PRR5: variants seen among roughly 807,000 people sequenced by gnomAD.
PRR5 encodes proline-rich protein 5.
Under a neutral mutation model 30.6 loss-of-function variants are expected in PRR5, and 25 were observed. The ratio of observed to expected loss-of-function variants is 0.82; its 90% confidence interval spans 0.60 to 1.14. PRR5 has a LOEUF of 1.14. Ranked by LOEUF, PRR5 falls within the 50% of genes most tolerant of loss-of-function variation. The probability of loss-of-function intolerance (pLI) is 0.00; values close to 1 mark genes in which losing one functional copy is unlikely to be tolerated. For missense variants in PRR5, 600 were observed against 547.1 expected, an observed-to-expected ratio of 1.10 and a Z score of -0.96; for synonymous variants, 286 against 247.1, an observed-to-expected ratio of 1.16 and a Z score of -1.48.
At chr22:44,727,471 G>T (rs1921054027) in intron 4 of PRR5, among the ~76,000 whole-genome samples, 1 of 152,196 alleles carries the variant, frequency 6.6e-6, no homozygotes, top group Admixed American at 6.5e-5. Context: ...CTCCGTGCTG[G>T]ACTGCCCCGA....
chr22:44,726,483 G>A (rs1920951412), intron 3 of PRR5, 94 bp from the exon 4 acceptor site: 6 of 1,578,602 alleles, frequency 3.8e-6, no homozygotes, highest in Middle Eastern at 1.7e-4. Flanking sequence ...AGCCTTGGCT[G>A]CTCACTGGTG....
At chr22:44,736,626 G>T (rs56135808) in intron 7 of PRR5, 146 bp from the exon 8 acceptor site, 1 of 1,357,516 alleles carries the variant, frequency 7.4e-7, no homozygotes, top group Non-Finnish European at 9.7e-7. Context: ...GGCTTGTGGC[G>T]GTGGGACCTG....
intron 1 of PRR5, among the ~76,000 whole-genome samples, chr22:44,689,636 C>T (rs1174033227): frequency 6.6e-6 from 1 of 152,268 alleles, no homozygotes; most frequent in East Asian, 1.9e-4. Flanking sequence ...GGGACAGGAG[C>T]TCATCTCAGA....
At position 44,718,450 on chromosome 22, in the gene PRR5, C is replaced by T. The variant is rs932849293; in HGVS notation, c.215+3779C>T. Among the ~76,000 whole-genome samples, 3 of 152,238 alleles carry T rather than the reference C, an allele frequency of 2.0e-5. No individual in the cohort carries two copies. In the South Asian group the frequency reaches 6.2e-4, roughly 32 times the overall value. The stretch of plus-strand genomic sequence containing the variant: ...CCTCAAGTGATCTGCCAGCCTCAGC[C>T]TCCCAAAGTGCTGGGGTTACAGGCC... On this transcript the variant is annotated intron_variant, in intron 2 of 7. Transcript: ENST00000336985.
At chr22:44,695,946 T>TTTTTTTTTTTTC (rs1436966898) in intron 1 of PRR5, among the ~76,000 whole-genome samples, 1 of 147,804 alleles carries the variant, frequency 6.8e-6, no homozygotes. Flanking sequence ...TTTTTTTTTT[T>TTTTTTTTTTTTC]TTGATACAGA....
intron 1 of PRR5, among the ~76,000 whole-genome samples, chr22:44,688,010 G>C (rs1480364594): frequency 6.6e-6 from 1 of 151,454 alleles, no homozygotes; most frequent in African/African-American, 2.4e-5. Flanking sequence ...CCTGACCTCA[G>C]GTGATCTGCC....
intron 1 of PRR5, among the ~76,000 whole-genome samples, chr22:44,677,993 G>A (rs78229829): frequency 6.6e-6 from 1 of 152,142 alleles, no homozygotes; most frequent in East Asian, 1.9e-4. Context: ...GGTGCTGGGG[G>A]CCTCAAGGAC....
At chr22:44,715,536 G>A (rs948676180) in intron 2 of PRR5, among the ~76,000 whole-genome samples, 1 of 152,128 alleles carries the variant, frequency 6.6e-6, no homozygotes, top group Non-Finnish European at 1.5e-5. Context: ...AGGGTGTCCT[G>A]CTTTTCTCTG....
chr22:44,716,959 G>A (rs1929144197), intron 2 of PRR5, among the ~76,000 whole-genome samples: 1 of 151,970 alleles, frequency 6.6e-6, no homozygotes, highest in Non-Finnish European at 1.5e-5. Context: ...CTACTCAGGA[G>A]GCTGAGGCAT....
chr22:44,674,258 C>T (rs1022607279), upstream of PRR5, among the ~76,000 whole-genome samples: 2 of 152,046 alleles, frequency 1.3e-5, no homozygotes, highest in Non-Finnish European at 2.9e-5. Context: ...AGGCACGCAC[C>T]ACCACACCCT....
upstream of PRR5, among the ~76,000 whole-genome samples, chr22:44,700,500 C>G (rs962506190): frequency 1.3e-5 from 2 of 151,404 alleles, no homozygotes; most frequent in African/African-American, 4.9e-5. Context: ...TGGCACATGC[C>G]TTGTAGTCCC....
chr22:44,715,268 C>T (rs777986156), intron 2 of PRR5, among the ~76,000 whole-genome samples: 11 of 152,166 alleles, frequency 7.2e-5, no homozygotes, highest in African/African-American at 2.4e-4. Flanking sequence ...TCAAGTGACT[C>T]GCCCCAGATC....
chr22:44,709,639 G>A (rs904011319), intron 1 of PRR5, among the ~76,000 whole-genome samples: 3 of 152,152 alleles, frequency 2.0e-5, no homozygotes, highest in Admixed American at 6.5e-5. Context: ...GGATCACCAG[G>A]TCAGGAGTTC....
At chr22:44,700,753 TTA>T (rs777940042), upstream of PRR5, among the ~76,000 whole-genome samples, 4 of 152,204 alleles carry the variant, frequency 2.6e-5, no homozygotes, top group Non-Finnish European at 5.9e-5. Flanking sequence ...GTTTGTCTGT[TTA>T]TGTCTCTGTC....
At chr22:44,702,141 TTCCCCGCCCCGCCCCCC>T, upstream of PRR5, 1 of 193,214 alleles carries the variant, frequency 5.2e-6, no homozygotes, top group Non-Finnish European at 9.3e-6. Flanking sequence ...CCCCGCCCCC[TTCCCCGCCCCGCCCCCC>T]GGGGCGCCGA....
intron 1 of PRR5, among the ~76,000 whole-genome samples, chr22:44,692,258 TCCCGGGGC>T (rs1925316791): frequency 1.8e-5 from 2 of 112,896 alleles, no homozygotes; most frequent in African/African-American, 7.0e-5. Context: ...GGGCTCCTCC[TCCCGGGGC>T]TCCTCCTCCC....
intron 1 of PRR5, among the ~76,000 whole-genome samples, chr22:44,682,085 G>A (rs376351490): frequency 2.0e-5 from 3 of 152,212 alleles, no homozygotes; most frequent in African/African-American, 4.8e-5. Flanking sequence ...TACAAGGGGC[G>A]TGGCCAGCAG....
At chr22:44,720,635 C>T (rs192911849) in intron 2 of PRR5, among the ~76,000 whole-genome samples, 6 of 152,322 alleles carry the variant, frequency 3.9e-5, no homozygotes, top group African/African-American at 1.4e-4. Flanking sequence ...AGGCCTTCGG[C>T]AGCATTCCTG....
intron 1 of PRR5, among the ~76,000 whole-genome samples, chr22:44,685,798 G>C (rs946340642): frequency 1.9e-4 from 29 of 152,266 alleles, no homozygotes. Context: ...TGGAATCAAA[G>C]CCGAGATACG....
Sources: allele counts gnomAD v4.1 joint callset (sites outside exome capture counted in the v4.1 genomes callset), GRCh38; gene constraint gnomAD v4.1.1; transcripts MANE v1.5; gene names NCBI Gene and HGNC (gene_info 2026-07-23, HGNC 2026-07-21).